PPP1R12B: variants seen among roughly 807,000 people sequenced by gnomAD.
PPP1R12B encodes myosin phosphatase target subunit 2.
PPP1R12B carries 76 observed loss-of-function variants against 126.1 expected under a neutral mutation model. The observed-to-expected ratio is 0.60, with a 90% CI of 0.50 to 0.73. The LOEUF is 0.73. PPP1R12B is among the 30% of genes least tolerant of loss of function. PPP1R12B has a pLI of 0.00. For synonymous variants in PPP1R12B, 356 were observed against 434.7 expected (o/e 0.82, Z 2.25); for missense variants, 1,052 against 1,205.1 (o/e 0.87, Z 1.88).
chr1:202,437,748 G>A (rs1558225520), intron 9 of PPP1R12B, 73 bp from the exon 10 acceptor site: 2 of 1,396,908 alleles, frequency 1.4e-6, no homozygotes, highest in Middle Eastern at 2.6e-4. Context: ...GTTAAGTGTG[G>A]AAAAGGCAAA....
chr1:202,414,468 A>G (rs1249296597), intron 1 of PPP1R12B, among the ~76,000 whole-genome samples: 3 of 152,232 alleles, frequency 2.0e-5, no homozygotes, highest in Admixed American at 6.5e-5. Flanking sequence ...ATCTAAATAC[A>G]TTTCATTATA....
intron 18 of PPP1R12B, among the ~76,000 whole-genome samples, chr1:202,501,585 G>A (rs538276255): frequency 2.0e-5 from 3 of 152,242 alleles, no homozygotes; most frequent in South Asian, 4.1e-4. Flanking sequence ...TTGAAGGACC[G>A]GGTTCAATGT....
At chr1:202,571,456 C>G (rs114113818) in intron 23 of PPP1R12B, among the ~76,000 whole-genome samples, 9 of 129,270 alleles carry the variant, frequency 7.0e-5, no homozygotes, top group Admixed American at 6.4e-4. Flanking sequence ...TTTTTTTTTT[C>G]TCTTTGAGAC....
intron 1 of PPP1R12B, among the ~76,000 whole-genome samples, chr1:202,390,065 A>T (rs558004059): frequency 6.6e-6 from 1 of 152,338 alleles, no homozygotes; most frequent in East Asian, 1.9e-4. Flanking sequence ...TAACCAAGAC[A>T]GTGTGGTATC....
chr1:202,555,337 A>AAAAAAAAAAAAAAAAAAAAAAAAAAAAAT, intron 18 of PPP1R12B, among the ~76,000 whole-genome samples: 1 of 144,222 alleles, frequency 6.9e-6, no homozygotes, highest in Non-Finnish European at 1.5e-5. Flanking sequence ...AAAAAAAAAA[A>AAAAAAAAAAAAAAAAAAAAAAAAAAAAAT]AAAAAAAAAA....
intron 1 of PPP1R12B, among the ~76,000 whole-genome samples, chr1:202,360,533 AC>A (rs530721760): frequency 8.6e-5 from 13 of 151,910 alleles, no homozygotes; most frequent in Non-Finnish European, 1.3e-4. Context: ...ACATGGTGAA[AC>A]CCTGTTTCTA....
At chr1:202,365,106 G>A (rs761290583) in intron 1 of PPP1R12B, among the ~76,000 whole-genome samples, 1 of 152,088 alleles carries the variant, frequency 6.6e-6, no homozygotes, top group African/African-American at 2.4e-5. Context: ...GGCTGTCTTA[G>A]CTTTTGCAAA....
chr1:202,402,421 G>A (rs1362035530), intron 1 of PPP1R12B, among the ~76,000 whole-genome samples: 2 of 152,182 alleles, frequency 1.3e-5, no homozygotes, highest in African/African-American at 4.8e-5. Flanking sequence ...GGACATAGCA[G>A]TCTGAAGTTT....
intron 18 of PPP1R12B, among the ~76,000 whole-genome samples, chr1:202,524,642 C>T (rs1322028990): frequency 1.3e-5 from 2 of 152,130 alleles, no homozygotes; most frequent in African/African-American, 4.8e-5. Flanking sequence ...TGAGTTACTT[C>T]ACTTAGAATA....
At chr1:202,545,072 A>G (rs1357652757) in intron 18 of PPP1R12B, among the ~76,000 whole-genome samples, 1 of 152,238 alleles carries the variant, frequency 6.6e-6, no homozygotes, top group Non-Finnish European at 1.5e-5. Context: ...ATGCACTACC[A>G]ATCTGGAATC....
At chr1:202,499,402 A>G (rs1213985014) in intron 18 of PPP1R12B, among the ~76,000 whole-genome samples, 1 of 152,080 alleles carries the variant, frequency 6.6e-6, no homozygotes, top group Non-Finnish European at 1.5e-5. Context: ...GTACAGGCAC[A>G]AGCCACCACA....
chr1:202,465,853 G>GA, intron 13 of PPP1R12B, among the ~76,000 whole-genome samples: 1 of 152,278 alleles, frequency 6.6e-6, no homozygotes, highest in East Asian at 1.9e-4. Context: ...CACTTGTGCT[G>GA]AAAATGGCTC....
intron 5 of PPP1R12B, among the ~76,000 whole-genome samples, chr1:202,428,002 G>A (rs999998442): frequency 2.7e-5 from 4 of 150,490 alleles, no homozygotes; most frequent in African/African-American, 9.8e-5. Context: ...TAGAGATGGG[G>A]GGTCTCACTG....
intron 13 of PPP1R12B, among the ~76,000 whole-genome samples, chr1:202,469,928 G>A (rs1263318279): frequency 6.6e-6 from 1 of 152,134 alleles, no homozygotes; most frequent in Non-Finnish European, 1.5e-5. Flanking sequence ...TGCTTTTTTA[G>A]GGGTAGGAGA....
chr1:202,409,168 C>A (rs1293353166), intron 1 of PPP1R12B, among the ~76,000 whole-genome samples: 5 of 151,846 alleles, frequency 3.3e-5, no homozygotes, highest in Non-Finnish European at 7.4e-5. Flanking sequence ...ACCCAGAATT[C>A]TTCTGGATAT....
intron 18 of PPP1R12B, among the ~76,000 whole-genome samples, chr1:202,539,296 G>T (rs1684864796): frequency 6.6e-6 from 1 of 152,128 alleles, no homozygotes; most frequent in Non-Finnish European, 1.5e-5. Flanking sequence ...CTAGAAGCTG[G>T]CAGGCTTTCT....
chr1:202,426,290 G>A (rs527736340), intron 4 of PPP1R12B, among the ~76,000 whole-genome samples: 2 of 152,256 alleles, frequency 1.3e-5, no homozygotes, highest in East Asian at 1.9e-4. Context: ...TATATGTGCA[G>A]TTGTTAACTG....
At chr1:202,545,583 G>A (rs1685568885) in intron 18 of PPP1R12B, among the ~76,000 whole-genome samples, 1 of 152,134 alleles carries the variant, frequency 6.6e-6, no homozygotes, top group South Asian at 2.1e-4. Context: ...CTTTATATTG[G>A]ACACCAGTAT....
intron 18 of PPP1R12B, among the ~76,000 whole-genome samples, chr1:202,504,921 A>G (rs568307288): frequency 8.5e-5 from 13 of 152,250 alleles, no homozygotes; most frequent in Non-Finnish European, 1.6e-4. Flanking sequence ...ATTACAATCC[A>G]TTTAAATTAT....
Sources: allele counts gnomAD v4.1 joint callset (sites outside exome capture counted in the v4.1 genomes callset), GRCh38; gene constraint gnomAD v4.1.1; transcripts MANE v1.5; gene names NCBI Gene and HGNC (gene_info 2026-07-23, HGNC 2026-07-21).